DMD: variants seen among roughly 807,000 people sequenced by gnomAD.
DMD encodes dystrophin.
A neutral mutation model predicts 330.1 loss-of-function variants in DMD; 63 were observed. That is an observed-to-expected ratio of 0.19 (90% CI 0.16 to 0.24). DMD has a LOEUF of 0.24. Among genes scored for constraint, DMD ranks in the 10% least tolerant of loss-of-function variants. The pLI, the probability that DMD is intolerant of heterozygous loss-of-function variation, is 1.00. For synonymous variants in DMD, 1,223 were observed against 959.8 expected (o/e 1.27, Z -5.07); for missense variants, 3,344 against 2,684.1 (o/e 1.25, Z -5.43).
At chrX:32,611,577 C>A (rs780449201) in intron 12 of DMD, among the ~76,000 whole-genome samples, 2 of 111,840 alleles carry the variant, frequency 1.8e-5, no homozygotes, top group South Asian at 3.7e-4. Flanking sequence ...AGGTACCTGG[C>A]AGAATATTAA....
intron 52 of DMD, among the ~76,000 whole-genome samples, chrX:31,680,340 G>A (rs2082307695): frequency 1.8e-5 from 2 of 110,536 alleles, no homozygotes; most frequent in South Asian, 3.9e-4. Context: ...TGAACCCAAG[G>A]GAAGATAAGT....
At chrX:32,655,889 T>C (rs182039592) in intron 9 of DMD, among the ~76,000 whole-genome samples, 1 of 111,755 alleles carries the variant, frequency 8.9e-6, no homozygotes, top group Admixed American at 9.5e-5. Context: ...TTTACCATTA[T>C]GTAATGGCCT....
At chrX:31,675,291 A>G (rs2082014429) in intron 53 of DMD, among the ~76,000 whole-genome samples, 2 of 111,935 alleles carry the variant, frequency 1.8e-5, no homozygotes, top group Admixed American at 1.9e-4. Flanking sequence ...TTTCAAGATA[A>G]GCTTTTTCCA....
intron 18 of DMD, among the ~76,000 whole-genome samples, chrX:32,504,350 G>A (rs2044390244): frequency 9.0e-6 from 1 of 111,543 alleles, no homozygotes; most frequent in Admixed American, 9.5e-5. Flanking sequence ...TGGGCTGGGT[G>A]CAGTGGCTCA....
chrX:31,636,200 G>A (rs1261818170), intron 54 of DMD, among the ~76,000 whole-genome samples: 1 of 110,898 alleles, frequency 9.0e-6, no homozygotes, highest in Non-Finnish European at 1.9e-5. Context: ...GAGTGGGGAG[G>A]GTGGGAGGAG....
intron 2 of DMD, among the ~76,000 whole-genome samples, chrX:32,927,297 T>C (rs5928117): frequency 0.044 from 4,786 of 109,866 alleles, 80 homozygotes; most frequent in Middle Eastern, 0.081. Flanking sequence ...TATTGCCTTA[T>C]AGGAAGAAAG....
At chrX:31,137,302 A>G (rs1340518499) in intron 76 of DMD, among the ~76,000 whole-genome samples, 1 of 112,154 alleles carries the variant, frequency 8.9e-6, no homozygotes, top group African/African-American at 3.2e-5. Context: ...TACAGGCGTG[A>G]GCCACCACGC....
At chrX:31,505,914 G>C (rs2070897052) in intron 56 of DMD, among the ~76,000 whole-genome samples, 1 of 111,498 alleles carries the variant, frequency 9.0e-6, no homozygotes, top group Admixed American at 9.5e-5. Flanking sequence ...TTACAGGCGT[G>C]AGCCACTACG....
intron 1 of DMD, among the ~76,000 whole-genome samples, chrX:33,218,358 G>A (rs1190936103): frequency 1.3e-4 from 14 of 110,911 alleles, no homozygotes; most frequent in Non-Finnish European, 2.5e-4. Flanking sequence ...AGTACATTTG[G>A]AAGTGTTGCC....
chrX:32,983,528 TACAC>T (rs561986393), intron 2 of DMD, among the ~76,000 whole-genome samples: 1,275 of 73,495 alleles, frequency 0.017, 18 homozygotes, highest in East Asian at 0.075. Flanking sequence ...CAGAACTAAA[TACAC>T]ACACACACAC....
At position 32,189,384 on chromosome X, in the gene DMD, AC is replaced by A. The variant is rs1253571200; in HGVS notation, c.6438+27531del. Among the ~76,000 whole-genome samples the A allele has an allele frequency of 7.4e-5, 8 of 108,791 alleles. No individual in the cohort carries two copies. The South Asian group carries it at 1.2e-3, about 16-fold the overall frequency. 94.5% of individuals were successfully genotyped at this position (108,791 alleles called of 115,157 possible). On this transcript the variant is annotated intron_variant, in intron 44 of 78. Transcript: ENST00000357033. The stretch of plus-strand genomic sequence containing the variant: ...TCAGCAAACTACAAAAAAAAAAAAA[AC>A]AACTTTGTTTTGCAAACTTTGTATT...
chrX:31,816,662 G>T (rs2149409464), intron 50 of DMD, among the ~76,000 whole-genome samples: 1 of 108,912 alleles, frequency 9.2e-6, no homozygotes, highest in Non-Finnish European at 1.9e-5. Flanking sequence ...AGCTGGGCAT[G>T]GTGGTGCGCA....
Position 32,483,164 on chromosome X carries a change from T to TATATATATATATATATAC in DMD, c.2803+1754_2803+1755insGTATATATATATATATAT, listed in dbSNP as rs1481445275. On this transcript the variant is annotated intron_variant, in intron 21 of 78. Coordinates refer to ENST00000357033, the MANE Select transcript of DMD (RefSeq NM_004006.3). The stretch of plus-strand genomic sequence containing the variant: ...TTCATTCCATATATATATATATATA[T>TATATATATATATATATAC]ACACCATATTTAATTAAAGGGTTAT... 5.5e-3 allele frequency among the ~76,000 whole-genome samples: 337 copies of TATATATATATATATATAC among 61,611 alleles called. 40 individuals carry two copies. Among genetic ancestry groups the TATATATATATATATATAC allele is most frequent in the East Asian group, 0.04 (56 of 1,404 alleles). 53.5% of individuals were successfully genotyped at this position (61,611 alleles called of 115,157 possible). A position where few individuals can be genotyped will look rare whatever the true frequency, so the allele number is the denominator to read the frequency against.
intron 20 of DMD, among the ~76,000 whole-genome samples, chrX:32,488,609 C>G (rs1041011985): frequency 9.0e-6 from 1 of 111,471 alleles, no homozygotes; most frequent in Non-Finnish European, 1.9e-5. Context: ...TTAATAGACA[C>G]CAATGGGTCT....
At chrX:31,679,621 A>T (rs752241036) in intron 52 of DMD, 35 bp from the exon 53 acceptor site, 51 of 1,102,764 alleles carry the variant, frequency 4.6e-5, no homozygotes, top group Non-Finnish European at 6.4e-5. Flanking sequence ...TATAGTAGTA[A>T]ATGCTAGTCT....
intron 4 of DMD, among the ~76,000 whole-genome samples, chrX:32,828,233 A>T (rs1337600168): frequency 1.8e-5 from 2 of 111,433 alleles, no homozygotes; most frequent in African/African-American, 6.5e-5. Flanking sequence ...TCCTTTGGGT[A>T]TATACCAAAT....
At chrX:32,976,488 T>C (rs752670729) in intron 2 of DMD, among the ~76,000 whole-genome samples, 13 of 111,818 alleles carry the variant, frequency 1.2e-4, no homozygotes, top group Non-Finnish European at 2.3e-4. Flanking sequence ...TACATATAAA[T>C]ACAAAGTCTT....
chrX:33,097,698 C>T (rs1166801733), intron 1 of DMD, among the ~76,000 whole-genome samples: 2 of 104,458 alleles, frequency 1.9e-5, no homozygotes, highest in Admixed American at 2.1e-4. Context: ...TCACTGCAAC[C>T]TCTGCCTCCC....
At chrX:32,009,246 A>G (rs2095687015) in intron 44 of DMD, among the ~76,000 whole-genome samples, 1 of 111,793 alleles carries the variant, frequency 8.9e-6, no homozygotes, top group Non-Finnish European at 1.9e-5. Flanking sequence ...GAGTCAGTCA[A>G]TCTTTTAGCT....
Sources: gnomAD v4.1 joint callset for allele counts (sites outside exome capture counted in the v4.1 genomes callset) on GRCh38, gnomAD v4.1.1 for gene constraint, MANE v1.5 for transcripts, NCBI Gene and HGNC (gene_info 2026-07-23, HGNC 2026-07-21) for gene names.